Variants in RARB observed in about 807,000 individuals in gnomAD.
RARB encodes the protein HBV-activated protein.
RARB carries 17 observed loss-of-function variants against 51.9 expected under a neutral mutation model. The ratio of observed to expected loss-of-function variants is 0.33; its 90% CI spans 0.22 to 0.49. The LOEUF (loss-of-function observed/expected upper bound fraction) is 0.49, where lower values mean the gene tolerates loss of function less well. RARB is among the 20% of genes least tolerant of loss of function. The pLI, the probability that RARB is intolerant of heterozygous loss-of-function variation, is 0.99. For missense variants in RARB, 369 were observed against 550.8 expected (o/e 0.67, Z 3.30); for synonymous variants, 215 against 195.4 (o/e 1.10, Z -0.84).
chr3:25,307,229 T>C (rs1704174411), intron 5 of RARB, among the ~76,000 whole-genome samples: 1 of 151,814 alleles, frequency 6.6e-6, no homozygotes, highest in African/African-American at 2.4e-5. Context: ...CTACTAAAAA[T>C]ACAAAAAATT....
intron 5 of RARB, among the ~76,000 whole-genome samples, chr3:25,252,613 G>T (rs1430053139): frequency 6.6e-6 from 1 of 152,144 alleles, no homozygotes; most frequent in African/African-American, 2.4e-5. Context: ...TGCTATTACA[G>T]TCAGGATTGT....
chr3:25,501,018 T>C (rs936387384), intron 2 of RARB, among the ~76,000 whole-genome samples, 164 bp from the exon 3 acceptor site: 5 of 152,178 alleles, frequency 3.3e-5, no homozygotes, highest in Non-Finnish European at 7.3e-5. Flanking sequence ...AGGAAGAAAC[T>C]ATTGATATCT....
intron 2 of RARB, among the ~76,000 whole-genome samples, chr3:24,903,280 T>G (rs1703644888): frequency 6.6e-6 from 1 of 152,092 alleles, no homozygotes; most frequent in East Asian, 1.9e-4. Flanking sequence ...CATAAAAATA[T>G]GACATTAAGA....
intron 4 of RARB, among the ~76,000 whole-genome samples, chr3:25,154,210 C>A (rs1700338760): frequency 6.6e-6 from 1 of 152,152 alleles, no homozygotes; most frequent in Admixed American, 6.5e-5. Context: ...ATGGATATAT[C>A]TGCTAGTATA....
chr3:24,919,622 G>C (rs1292793841), intron 2 of RARB, among the ~76,000 whole-genome samples: 1 of 152,222 alleles, frequency 6.6e-6, no homozygotes, highest in Non-Finnish European at 1.5e-5. Flanking sequence ...TGCCCAATTA[G>C]TGAATTGTTC....
chr3:25,090,656 T>G (rs1270447849), intron 3 of RARB, among the ~76,000 whole-genome samples: 1 of 152,120 alleles, frequency 6.6e-6, no homozygotes, highest in Admixed American at 6.6e-5. Context: ...AATGAATCTC[T>G]TCTCACTTCC....
chr3:25,487,083 T>C (rs6768669), intron 2 of RARB, among the ~76,000 whole-genome samples: 66,043 of 151,938 alleles, frequency 0.43, 17,743 homozygotes, highest in South Asian at 0.65. Flanking sequence ...CCTTTTGTGC[T>C]GGGATGGTGA....
intron 2 of RARB, among the ~76,000 whole-genome samples, chr3:24,977,896 T>C (rs2125422815): frequency 6.6e-6 from 1 of 152,342 alleles, no homozygotes; most frequent in Middle Eastern, 3.4e-3. Flanking sequence ...GGGTTTGTCA[T>C]AAATAGCTCT....
intron 5 of RARB, among the ~76,000 whole-genome samples, chr3:25,264,817 G>C (rs1703087881): frequency 6.6e-6 from 1 of 152,064 alleles, no homozygotes; most frequent in Non-Finnish European, 1.5e-5. Context: ...ATACTTGTCT[G>C]TAATTATATT....
At chr3:25,302,232 G>T (rs73049732) in intron 5 of RARB, among the ~76,000 whole-genome samples, 3,138 of 152,166 alleles carry the variant, frequency 0.021, 31 homozygotes, top group Non-Finnish European at 0.034. Flanking sequence ...TTCTCAAAAG[G>T]TTAAACAAAG....
upstream of RARB, among the ~76,000 whole-genome samples, chr3:25,426,452 T>C (rs1183068828): frequency 6.6e-6 from 1 of 152,264 alleles, no homozygotes; most frequent in Non-Finnish European, 1.5e-5. Context: ...GTGTGTGCGA[T>C]GCATACTTTT....
intron 5 of RARB, among the ~76,000 whole-genome samples, chr3:25,370,957 A>G (rs1478359001): frequency 6.6e-6 from 1 of 152,028 alleles, no homozygotes; most frequent in Non-Finnish European, 1.5e-5. Flanking sequence ...TCCACTCTCT[A>G]TCTCTGTCTT....
intron 5 of RARB, among the ~76,000 whole-genome samples, chr3:25,386,780 T>G (rs1343767581): frequency 6.6e-6 from 1 of 152,250 alleles, no homozygotes; most frequent in Non-Finnish European, 1.5e-5. Flanking sequence ...GAGACTCTTC[T>G]GAACATGTAC....
chr3:25,254,438 T>C (rs1326952422), intron 5 of RARB, among the ~76,000 whole-genome samples: 2 of 152,190 alleles, frequency 1.3e-5, no homozygotes, highest in Non-Finnish European at 2.9e-5. Flanking sequence ...CATCTCTAAA[T>C]GAACTAATAG....
At chr3:24,916,668 G>T (rs1233594316) in intron 2 of RARB, among the ~76,000 whole-genome samples, 1 of 150,852 alleles carries the variant, frequency 6.6e-6, no homozygotes, top group African/African-American at 2.4e-5. Flanking sequence ...GAGTATAAAA[G>T]GGTATAACCA....
At chr3:24,964,368 A>G (rs1049191489) in intron 2 of RARB, among the ~76,000 whole-genome samples, 3 of 151,886 alleles carry the variant, frequency 2.0e-5, no homozygotes, top group African/African-American at 7.3e-5. Flanking sequence ...TTTTTTCTGT[A>G]TATATCACAT....
At chr3:24,870,028 TA>T (rs1424632034) in intron 2 of RARB, among the ~76,000 whole-genome samples, 1 of 152,100 alleles carries the variant, frequency 6.6e-6, no homozygotes, top group African/African-American at 2.4e-5. Flanking sequence ...AGTGAACATT[TA>T]CGCTGCATTT....
At chr3:24,938,822 G>A (rs927324076) in intron 2 of RARB, among the ~76,000 whole-genome samples, 2 of 151,962 alleles carry the variant, frequency 1.3e-5, no homozygotes. Context: ...TACCATATTT[G>A]TCCTTTTGTA....
chr3:25,295,160 A>C (rs116293981), intron 5 of RARB, among the ~76,000 whole-genome samples: 1 of 152,164 alleles, frequency 6.6e-6, no homozygotes, highest in African/African-American at 2.4e-5. Context: ...CTTGTGTTCA[A>C]ATCCTGGTTG....
Sources: allele counts gnomAD v4.1 joint callset (sites outside exome capture counted in the v4.1 genomes callset), GRCh38; gene constraint gnomAD v4.1.1; transcripts MANE v1.5; gene names NCBI Gene and HGNC (gene_info 2026-07-23, HGNC 2026-07-21).